The following ABCA2 variants were observed in gnomAD, a reference collection of about 807,000 sequenced individuals.
ABCA2 encodes the protein ATP binding cassette subfamily A member 2.
A neutral mutation model predicts 262.8 loss-of-function variants in ABCA2; 84 were observed. The observed-to-expected ratio is 0.32, with a 90% CI of 0.27 to 0.38. The LOEUF (loss-of-function observed/expected upper bound fraction) is 0.38. Ranked by LOEUF, ABCA2 falls within the 10% of genes least tolerant of loss-of-function variation. The probability of loss-of-function intolerance (pLI) is 1.00; values close to 1 mark genes in which losing one functional copy is unlikely to be tolerated. For missense variants in ABCA2, 2,662 were observed against 3,405.9 expected (o/e 0.78, Z 5.44); for synonymous variants, 1,696 against 1,502.9 (o/e 1.13, Z -2.97).
In ABCA2 at chr9:137,011,363, C is replaced by A; in HGVS notation, c.5799+44G>T. The A allele has an allele frequency of 1.9e-6, 3 of 1,606,310 alleles. No homozygotes were observed. Among genetic ancestry groups the A allele is most frequent in the Non-Finnish European group, 2.6e-6 (3 of 1,176,438 alleles). ...GGGGTGGCCGGGGTGAGGGGCACAGCCTCCGCAGGGTCCGCCACCCCCACC... is the reference window on the plus strand; with the variant it reads ...GGGGTGGCCGGGGTGAGGGGCACAGACTCCGCAGGGTCCGCCACCCCCACC... On this transcript the variant is annotated intron_variant, in intron 37 of 48. Transcript: ENST00000341511. This position sits in a 1 kb window ranked among gnomAD's most constrained non-coding sequence, Gnocchi z 8.8.
intron 45 of ABCA2, 105 bp downstream of exon 45, chr9:137,009,265 C>T: frequency 1.1e-6 from 1 of 892,624 alleles, no homozygotes; most frequent in Non-Finnish European, 1.6e-6. Flanking sequence ...GCCCCCCTGG[C>T]CCCACAGCCC....
At position 137,013,208 on chromosome 9, in the gene ABCA2, C is replaced by T; in HGVS notation, c.4661G>A (p.Gly1554Glu). The T allele has an allele frequency of 6.2e-7, 1 of 1,601,320 alleles. No homozygotes were observed. Among genetic ancestry groups the T allele is most frequent in the Non-Finnish European group, 8.5e-7 (1 of 1,176,522 alleles). The change falls in exon 30 of 49, where the codon GGG (glycine) becomes GAG (glutamate). Residue 1554 changes from glycine to glutamate, a missense_variant. Transcript: ENST00000341511. The part of the protein sequence containing the change: ...VLKSPANGSL[G>E]PTLNLSSGES... ...CCCGCTGCTCAGGTTCAACGTGGGC[C>T]CCAGCGAGCCGTTGGCGGGAGACTT...
At chr9:137,010,435 C>T in intron 40 of ABCA2, 64 bp from the exon 41 acceptor site, 1 of 1,517,078 alleles carries the variant, frequency 6.6e-7, no homozygotes, top group Non-Finnish European at 8.9e-7. Context: ...TGGCCCCACC[C>T]CACCCAGACC....
At chr9:137,014,571 C>A in intron 26 of ABCA2, 119 bp downstream of exon 26, 14 of 1,485,974 alleles carry the variant, frequency 9.4e-6, no homozygotes, top group Non-Finnish European at 1.3e-5. Context: ...CCGGGGCGTC[C>A]CCTGGCTTCC....
intron 26 of ABCA2, 59 bp from the exon 27 acceptor site, chr9:137,014,463 G>A: frequency 6.6e-7 from 1 of 1,517,106 alleles, no homozygotes; most frequent in Non-Finnish European, 8.9e-7. Context: ...GGCCTGCCCA[G>A]GACCCCCATC....
Position 137,021,326 on chromosome 9 carries a change from G to A in ABCA2, c.897+66C>T, listed in dbSNP as rs1463729903. ...CCAGGAGCCCTGAGCTCTCCAAGCG[G>A]TCCCAGCCCCTCCTTCAACTCAGGC... On this transcript the variant is annotated intron_variant, in intron 8 of 48. Transcript: ENST00000341511. This position sits in a 1 kb window ranked among gnomAD's most constrained non-coding sequence, Gnocchi z 6.0. 2 of 1,571,808 alleles carry A rather than the reference G, an allele frequency of 1.3e-6. No homozygotes were observed. Among genetic ancestry groups the A allele is most frequent in the Non-Finnish European group, 1.7e-6 (2 of 1,162,054 alleles).
At chr9:137,024,902 C>T (rs1831600738) in intron 1 of ABCA2, among the ~76,000 whole-genome samples, 1 of 152,064 alleles carries the variant, frequency 6.6e-6, no homozygotes, top group African/African-American at 2.4e-5. Context: ...AAGTTCACAC[C>T]ATTCTCTTGC....
At position 137,015,600 on chromosome 9, in the gene ABCA2, G is replaced by C. The variant is rs764440063; in HGVS notation, c.3515-4C>G. 1.2e-6 allele frequency: 2 copies of C among 1,612,308 alleles called. No homozygotes were observed. The highest frequency in any genetic ancestry group is 1.7e-6 in the Non-Finnish European group (2 of 1,179,684). On this transcript the variant is annotated splice_region_variant and splice_polypyrimidine_tract_variant and intron_variant, in intron 23 of 48. Coordinates refer to ENST00000341511, the MANE Select transcript of ABCA2 (RefSeq NM_001606.5). ...GTGGACAGAAGGATGGTGCGGCCTA[G>C]GACAAGGCCAGACCCAGGGTCAGGG...
chr9:137,009,995 C>T lies in ABCA2; in HGVS notation c.6483G>A (p.Lys2161=). 6.3e-7 allele frequency: 1 copy of T among 1,597,862 alleles called. No homozygotes were observed. The highest frequency in any genetic ancestry group is 8.5e-7 in the Non-Finnish European group (1 of 1,172,958). ...CACAGATCCTCACCCGGGCCTCGTC[C>T]TTCCAGGAGATCCCACGCAGCCGCG... is the stretch of plus-strand genomic sequence containing the variant. ...LYTRLRGISW[K]DEARVVKWAL... Residue 2161 remains lysine, a synonymous_variant, in exon 42 of 49, where the codon AAG becomes AAA. Transcript: ENST00000341511.
At chr9:137,015,933 CTGCCCCG>C in intron 22 of ABCA2, 22 bp downstream of exon 22, 1 of 1,500,314 alleles carries the variant, frequency 6.7e-7, no homozygotes, top group Admixed American at 2.0e-5. Flanking sequence ...CTCCGCCCAC[CTGCCCCG>C]CCCCCCGCCC....
At chr9:137,024,747 A>G (rs1173980191) in intron 1 of ABCA2, among the ~76,000 whole-genome samples, 2 of 150,524 alleles carry the variant, frequency 1.3e-5, no homozygotes, top group Non-Finnish European at 3.0e-5. Context: ...TGAGCCTCGG[A>G]GAAGACCTGG....
Position 137,021,865 on chromosome 9 carries a change from C to T in ABCA2, c.678+26G>A. On this transcript the variant is annotated intron_variant, in intron 7 of 48. Coordinates refer to ENST00000341511, the MANE Select transcript of ABCA2 (RefSeq NM_001606.5). The surrounding 1 kb of genome is among the most constrained non-coding windows in gnomAD (Gnocchi z 6.0). ...CCCCAGAGGCAGGCAGCACTCCAGG[C>T]CCATCCCACACATGGATGCCCTCAC... The T allele has an allele frequency of 6.4e-7, 1 of 1,558,834 alleles. No individual in the cohort carries two copies. The highest frequency in any genetic ancestry group is 8.7e-7 in the Non-Finnish European group (1 of 1,146,590).
Position 137,012,179 on chromosome 9 carries a change from G to A in ABCA2, c.5300-17C>T, listed in dbSNP as rs777561469. 126 of 1,611,076 alleles carry A rather than the reference G, an allele frequency of 7.8e-5. No homozygotes were observed. Among genetic ancestry groups the A allele is most frequent in the South Asian group, 3.1e-4 (28 of 91,062 alleles). On this transcript the variant is annotated splice_polypyrimidine_tract_variant and intron_variant, in intron 33 of 48. Coordinates refer to ENST00000341511, the MANE Select transcript of ABCA2 (RefSeq NM_001606.5). Reference sequence around the variant, plus strand: ...CGGTGATGCCTGCACACGGCGGGGCGGGGGCGGCAGCTTCAGGCCCCAGCT... The same window carrying A: ...CGGTGATGCCTGCACACGGCGGGGCAGGGGCGGCAGCTTCAGGCCCCAGCT...
At chr9:137,016,538 C>A (rs766841646) in intron 20 of ABCA2, 36 bp downstream of exon 20, 5 of 1,611,962 alleles carry the variant, frequency 3.1e-6, no homozygotes, top group Non-Finnish European at 4.2e-6. Flanking sequence ...CTGAACCCAG[C>A]GCCCACCCCA....
chr9:137,008,537 C>T lies in ABCA2; in HGVS notation c.7154G>A (p.Gly2385Asp). Reference sequence around the variant, plus strand: ...GGGCCGGAGCAGGCTGAGCAAGCAGCCGAGAGGGGACTGCAGTGCGGATGG... The same window carrying T: ...GGGCCGGAGCAGGCTGAGCAAGCAGTCGAGAGGGGACTGCAGTGCGGATGG... ...EPPSALQSPL[G>D]CLLSLLRPRS... Residue 2385 changes from glycine to aspartate, a missense_variant, in exon 48 of 49, where the codon GGC becomes GAC. By Grantham distance (94) the Gly-to-Asp change is moderately conservative. Coordinates refer to ENST00000341511, the MANE Select transcript of ABCA2 (RefSeq NM_001606.5). 6.2e-7 allele frequency: 1 copy of T among 1,602,266 alleles called. No homozygotes were observed. Among genetic ancestry groups the T allele is most frequent in the Non-Finnish European group, 8.5e-7 (1 of 1,175,276 alleles).
intron 32 of ABCA2, 41 bp from the exon 33 acceptor site, chr9:137,012,417 G>T (rs754910780): frequency 6.2e-7 from 1 of 1,608,956 alleles, no homozygotes; most frequent in East Asian, 2.2e-5. Context: ...CAGGACCTCA[G>T]ACCTGGGTCC....
In ABCA2 at chr9:137,015,739, G is replaced by A; in HGVS notation, c.3450C>T (p.Pro1150=). The change falls in exon 23 of 49, where the codon CCC becomes CCT. Residue 1150 remains proline, a synonymous_variant. Transcript: ENST00000341511. ...GGSRAIILDE[P]TAGVDPYARR... is the part of the protein sequence containing the mutation. ...GCGCGTAGGGGTCCACGCCCGCCGT[G>A]GGCTCGTCCAGGATGATGGCGCGAG... 1 of 1,612,164 alleles carries A rather than the reference G, an allele frequency of 6.2e-7. No homozygotes were observed. Among genetic ancestry groups the A allele is most frequent in the South Asian group, 1.1e-5 (1 of 91,048 alleles).
rs1049532212 is a variant in ABCA2, at chr9:137,018,967, G to A, written c.1658C>T (p.Ala553Val). ...AATGGTATCCAGCTGCTGCAGGAGG[G>A]CCATGCCACTGGGCAGCGAGAAGTT... is the stretch of plus-strand genomic sequence containing the variant. ...QDNFSLPSGM[A>V]LLQQLDTIDN... Residue 553 changes from alanine (A) to valine (V), a missense_variant, in exon 12 of 49, where the codon GCC becomes GTC. By Grantham distance (64) the Ala-to-Val change is moderately conservative. This residue lies in a region of ABCA2 where 187 missense variants were observed against 205.9 expected (regional missense o/e 0.91). Transcript: ENST00000341511. The A allele has an allele frequency of 1.9e-6, 3 of 1,613,034 alleles. No individual in the cohort carries two copies. Among genetic ancestry groups the A allele is most frequent in the Non-Finnish European group, 8.5e-7 (1 of 1,179,884 alleles).
intron 33 of ABCA2, 45 bp from the exon 34 acceptor site, chr9:137,012,207 TCCCCGCCCCGG>T (rs780479654): frequency 7.5e-6 from 12 of 1,600,340 alleles, no homozygotes; most frequent in East Asian, 2.2e-5. Flanking sequence ...CCCCAGCTCC[TCCCCGCCCCGG>T]CCCCAGCTCC....
Sources: allele counts gnomAD v4.1 joint callset (sites outside exome capture counted in the v4.1 genomes callset), GRCh38; gene constraint gnomAD v4.1.1; regional missense constraint gnomAD v4.1.1; non-coding constraint Gnocchi (gnomAD v3.1); transcripts MANE v1.5; gene names NCBI Gene and HGNC (gene_info 2026-07-23, HGNC 2026-07-21).